Variants in ST18 observed in about 807,000 individuals in gnomAD.
ST18 encodes the protein ST18 C2H2C-type zinc finger transcription factor, also known as suppression of tumorigenicity 18 protein.
Under a neutral mutation model 110.0 loss-of-function variants are expected in ST18, and 50 were observed. The ratio of observed to expected loss-of-function variants is 0.45; its 90% CI spans 0.36 to 0.58. ST18 has a LOEUF of 0.58. ST18 is among the 20% of genes least tolerant of loss of function. The probability of loss-of-function intolerance (pLI) is 0.00; values close to 1 mark genes in which losing one functional copy is unlikely to be tolerated. For missense variants in ST18, 1,306 were observed against 1,280.1 expected (o/e 1.02, Z -0.31); for synonymous variants, 461 against 452.4 (o/e 1.02, Z -0.24).
rs759748170 is a variant in ST18 at position 52,158,886 on chromosome 8, G to A, written c.1806+12C>T. ...TCGCTGGCCCACCCTCCGGGCTCTT[G>A]GACTGGCCTACCTTGGCATGCAGAC... is the stretch of plus-strand genomic sequence containing the variant. On this transcript the variant is annotated intron_variant, in intron 15 of 25. Coordinates refer to ENST00000689386, the MANE Select transcript of ST18 (RefSeq NM_001352837.2). 3.1e-6 allele frequency: 5 copies of A among 1,613,908 alleles called. No individual in the cohort carries two copies. In the East Asian group the frequency reaches 1.1e-4, roughly 36 times the overall value.
chr8:52,224,869 C>A (rs1352929318), intron 3 of ST18, among the ~76,000 whole-genome samples: 1 of 152,196 alleles, frequency 6.6e-6, no homozygotes, highest in African/African-American at 2.4e-5. Flanking sequence ...CACACAATTT[C>A]CATGGACGAA....
intron 2 of ST18, among the ~76,000 whole-genome samples, chr8:52,238,900 G>A (rs970249760): frequency 2.0e-5 from 3 of 151,778 alleles, no homozygotes; most frequent in African/African-American, 7.3e-5. Flanking sequence ...ATTACTTAAT[G>A]GGTATAAGAT....
At position 52,116,377 on chromosome 8, in the gene ST18, C is replaced by G. The variant is rs1159742431; in HGVS notation, c.2901G>C (p.Glu967Asp). Residue 967 changes from glutamate (E) to aspartate (D), a missense_variant, in exon 25 of 26, where the codon GAG becomes GAC. By Grantham distance (45) the Glu-to-Asp change is conservative (BLOSUM62 2). Coordinates refer to ENST00000689386, the MANE Select transcript of ST18 (RefSeq NM_001352837.2). ...CATTGTTCTGTTCTATGAGTTTGTT[C>G]TCCTCCTCTATCGTCTTTAAGTTGC... ...MESNLKTIEEENKLIEQNNES... is the reference protein window; with the variant it reads ...MESNLKTIEEDNKLIEQNNES... 6.2e-7 allele frequency: 1 copy of G among 1,613,792 alleles called. No individual in the cohort carries two copies. Among genetic ancestry groups the G allele is most frequent in the Admixed American group, 1.7e-5 (1 of 59,980 alleles).
chr8:52,403,200 C>G (rs1355954627), intron 2 of ST18: 1 of 152,200 alleles, frequency 6.6e-6, no homozygotes, highest in African/African-American at 2.4e-5. Context: ...TGTTGCACTA[C>G]CATGTTTGAA....
chr8:52,139,270 G>A (rs2053817228), intron 17 of ST18, among the ~76,000 whole-genome samples: 1 of 151,880 alleles, frequency 6.6e-6, no homozygotes, highest in African/African-American at 2.4e-5. Context: ...AATTGCCTGG[G>A]AATTCCCACT....
chr8:52,112,999 G>A lies in ST18; in HGVS notation c.*199C>T, dbSNP rs1585999128. On this transcript the variant is annotated 3_prime_UTR_variant, in exon 26 of 26. Coordinates refer to ENST00000689386, the MANE Select transcript of ST18 (RefSeq NM_001352837.2). ...AATAAATAAGATCTAATAATTGACT[G>A]CATTGCTTTTAATCCAAGAAGTCTA... is the stretch of plus-strand genomic sequence containing the variant. 6.9e-6 allele frequency: 3 copies of A among 437,494 alleles called. No homozygotes were observed. The highest frequency in any genetic ancestry group is 7.1e-5 in the East Asian group (2 of 28,290). 27.1% of individuals were successfully genotyped at this position (437,494 alleles called of 1,614,324 possible).
intron 9 of ST18, among the ~76,000 whole-genome samples, chr8:52,173,640 C>T (rs1324125978): frequency 6.6e-6 from 1 of 152,032 alleles, no homozygotes; most frequent in East Asian, 1.9e-4. Context: ...GTGGGGTGTG[C>T]CCAGCTCACA....
intron 2 of ST18, among the ~76,000 whole-genome samples, chr8:52,305,564 A>G (rs929373489): frequency 1.3e-5 from 2 of 152,234 alleles, no homozygotes; most frequent in East Asian, 1.9e-4. Flanking sequence ...AAAATTTCAC[A>G]TGAAAACGTC....
At chr8:52,269,710 G>A (rs188750870) in intron 2 of ST18, among the ~76,000 whole-genome samples, 11 of 152,240 alleles carry the variant, frequency 7.2e-5, no homozygotes, top group South Asian at 4.1e-4. Flanking sequence ...GGATTATGTC[G>A]TCAAAATGGG....
At chr8:52,323,638 C>T (rs866867524) in intron 2 of ST18, among the ~76,000 whole-genome samples, 20 of 152,126 alleles carry the variant, frequency 1.3e-4, no homozygotes, top group African/African-American at 3.9e-4. Flanking sequence ...TGAGTATTTC[C>T]GACTTGGTCT....
At chr8:52,395,746 T>C (rs968798320) in intron 2 of ST18, among the ~76,000 whole-genome samples, 3 of 152,202 alleles carry the variant, frequency 2.0e-5, no homozygotes, top group Non-Finnish European at 4.4e-5. Context: ...GGGATGAGCA[T>C]GCCTGGAAAA....
chr8:52,251,564 A>T (rs2094309605), intron 2 of ST18, among the ~76,000 whole-genome samples: 1 of 151,868 alleles, frequency 6.6e-6, no homozygotes, highest in Admixed American at 6.6e-5. Context: ...AAAAATCAAC[A>T]CCGCATTGAC....
intron 10 of ST18, among the ~76,000 whole-genome samples, chr8:52,170,935 C>A (rs1203330658): frequency 6.6e-6 from 1 of 152,178 alleles, no homozygotes; most frequent in Non-Finnish European, 1.5e-5. Flanking sequence ...TTGTAAGCTC[C>A]TTGGGTCCAC....
At chr8:52,274,367 T>C (rs1215521715) in intron 2 of ST18, among the ~76,000 whole-genome samples, 1 of 152,138 alleles carries the variant, frequency 6.6e-6, no homozygotes. Flanking sequence ...TATATACATA[T>C]ATATGTTAAA....
At chr8:52,219,655 A>C (rs895059758) in intron 5 of ST18, among the ~76,000 whole-genome samples, 2 of 152,178 alleles carry the variant, frequency 1.3e-5, no homozygotes, top group Non-Finnish European at 2.9e-5. Context: ...AAATAGATTC[A>C]GTCCACTGTC....
At chr8:52,132,281 G>A in intron 21 of ST18, 102 bp from the exon 22 acceptor site, 1 of 1,041,524 alleles carries the variant, frequency 9.6e-7, no homozygotes. Context: ...AATAAAAGAT[G>A]CCACCATAAC....
At chr8:52,199,653 GA>G in intron 8 of ST18, 1 of 152,258 alleles carries the variant, frequency 6.6e-6, no homozygotes, top group African/African-American at 2.4e-5. Flanking sequence ...AAAAGATGGG[GA>G]TATCTTGTTA....
intron 22 of ST18, among the ~76,000 whole-genome samples, chr8:52,131,544 G>GC (rs1413660713): frequency 1.3e-5 from 2 of 152,068 alleles, no homozygotes; most frequent in East Asian, 3.9e-4. Flanking sequence ...CTACAATTTT[G>GC]CCCCCAAATT....
intron 25 of ST18, among the ~76,000 whole-genome samples, chr8:52,114,993 C>G (rs757296251): frequency 4.6e-5 from 7 of 152,152 alleles, no homozygotes; most frequent in South Asian, 2.1e-4. Context: ...ATTTACGCAA[C>G]ATTCATAAAT....
Sources: allele counts gnomAD v4.1 joint callset (sites outside exome capture counted in the v4.1 genomes callset), GRCh38; gene constraint gnomAD v4.1.1; transcripts MANE v1.5; gene names NCBI Gene and HGNC (gene_info 2026-07-23, HGNC 2026-07-21).